The following ARFGEF2 variants were observed in gnomAD, a reference collection of about 807,000 sequenced individuals.
ARFGEF2 encodes the protein ARF guanine nucleotide exchange factor 2, also known as brefeldin A-inhibited guanine nucleotide-exchange protein 2.
Under a neutral mutation model 219.9 loss-of-function variants are expected in ARFGEF2, and 74 were observed. The ratio of observed to expected loss-of-function variants is 0.34; its 90% confidence interval spans 0.28 to 0.41. ARFGEF2 has a LOEUF of 0.41. Ranked by LOEUF, ARFGEF2 falls within the 10% of genes least tolerant of loss-of-function variation. ARFGEF2 has a pLI of 1.00. For missense variants in ARFGEF2, 1,743 were observed against 2,218.3 expected (o/e 0.79, Z 4.30); for synonymous variants, 733 against 799.2 (o/e 0.92, Z 1.40).
intron 9 of ARFGEF2, among the ~76,000 whole-genome samples, chr20:48,969,791 A>T (rs1260975352): frequency 6.6e-6 from 1 of 152,222 alleles, no homozygotes; most frequent in Non-Finnish European, 1.5e-5. Flanking sequence ...CTGCATTTAG[A>T]TCTTGGATCC....
chr20:48,972,470 TA>T (rs2091234500), intron 11 of ARFGEF2, 45 bp downstream of exon 11: 1 of 1,422,600 alleles, frequency 7.0e-7, no homozygotes, highest in African/African-American at 1.4e-5. Flanking sequence ...TCTGATGCTT[TA>T]ATTTGCCACA....
chr20:48,996,455 C>CA (rs59802794), intron 23 of ARFGEF2, among the ~76,000 whole-genome samples: 36,883 of 126,766 alleles, frequency 0.29, 5,178 homozygotes, highest in East Asian at 0.52. Flanking sequence ...ACTCCATCTG[C>CA]AAAAAAAAAA....
At chr20:49,003,970 G>A (rs551848478) in intron 25 of ARFGEF2, among the ~76,000 whole-genome samples, 7 of 152,268 alleles carry the variant, frequency 4.6e-5, no homozygotes, top group African/African-American at 1.7e-4. Flanking sequence ...TCCATAGACT[G>A]TAAAGGCTTT....
intron 1 of ARFGEF2, among the ~76,000 whole-genome samples, chr20:48,928,620 A>G (rs1166650210): frequency 2.5e-4 from 35 of 139,934 alleles, no homozygotes; most frequent in African/African-American, 8.3e-4. Flanking sequence ...TCAGCCTCCC[A>G]AGTAGCTGGG....
chr20:48,998,777 A>G (rs1330773677), intron 25 of ARFGEF2, among the ~76,000 whole-genome samples: 1 of 152,204 alleles, frequency 6.6e-6, no homozygotes, highest in Non-Finnish European at 1.5e-5. Context: ...TATTACAGCC[A>G]CTAGACAAAT....
rs144778940 is a variant in ARFGEF2 at position 49,031,152 on chromosome 20, G to T, written c.5064-897G>T. Among the ~76,000 whole-genome samples the T allele has an allele frequency of 1.3e-4, 20 of 151,134 alleles. No individual in the cohort carries two copies. The East Asian group carries it at 3.5e-3, about 26-fold the overall frequency. On this transcript the variant is annotated intron_variant, in intron 37 of 38. Transcript: ENST00000371917. ...GAGTTCAGCCCTAGCCATGTGCCAG[G>T]ACTGAGCCAAGTTATGACTTAACAT...
At position 48,963,779 on chromosome 20, in the gene ARFGEF2, T is replaced by C. The variant is rs765056176; in HGVS notation, c.839-51T>C. 1.9e-6 allele frequency: 3 copies of C among 1,574,006 alleles called. 1 individual carries two copies. In the South Asian group the frequency reaches 3.3e-5, roughly 18 times the overall value. On this transcript the variant is annotated intron_variant, in intron 6 of 38. Transcript: ENST00000371917. ...AATCTCCTTTTCCTCTCTTCCTTTG[T>C]TTTTCCTGAAAATGCCCACGTGTGT... is the stretch of plus-strand genomic sequence containing the variant.
At chr20:49,011,839 G>A in intron 27 of ARFGEF2, 85 bp from the exon 28 acceptor site, 1 of 1,316,118 alleles carries the variant, frequency 7.6e-7, no homozygotes, top group Non-Finnish European at 1.1e-6. Flanking sequence ...GTATGTGTGT[G>A]TGTGTGTGTG....
chr20:48,941,346 ACT>A, intron 2 of ARFGEF2, 117 bp downstream of exon 2: 1 of 1,085,184 alleles, frequency 9.2e-7, no homozygotes, highest in South Asian at 1.3e-5. Context: ...GGTGGCACAC[ACT>A]CTGCAAGCAT....
chr20:48,940,130 A>T (rs996856294), intron 1 of ARFGEF2, among the ~76,000 whole-genome samples: 1 of 152,246 alleles, frequency 6.6e-6, no homozygotes, highest in South Asian at 2.1e-4. Context: ...TGGAAATAAC[A>T]CTATCTCTGA....
intron 37 of ARFGEF2, among the ~76,000 whole-genome samples, chr20:49,031,216 T>C (rs1214770397): frequency 7.0e-6 from 1 of 143,430 alleles, no homozygotes; most frequent in African/African-American, 2.6e-5. Flanking sequence ...CCCTTGAGTT[T>C]GGACTTTTTT....
At chr20:48,986,999 C>T (rs2091330216) in intron 16 of ARFGEF2, among the ~76,000 whole-genome samples, 1 of 152,208 alleles carries the variant, frequency 6.6e-6, no homozygotes, top group Non-Finnish European at 1.5e-5. Context: ...GCTACCACAC[C>T]TGATTGAAAC....
chr20:48,984,232 G>A (rs1479073341), intron 14 of ARFGEF2, among the ~76,000 whole-genome samples: 1 of 152,144 alleles, frequency 6.6e-6, no homozygotes, highest in Non-Finnish European at 1.5e-5. Context: ...TGGCCTCATG[G>A]TATAAGATGA....
intron 1 of ARFGEF2, among the ~76,000 whole-genome samples, chr20:48,936,864 T>G (rs1429601994): frequency 3.9e-5 from 6 of 152,150 alleles, no homozygotes; most frequent in African/African-American, 1.2e-4. Flanking sequence ...GATGATGAGC[T>G]GTTTTTCATA....
intron 22 of ARFGEF2, 33 bp downstream of exon 22, chr20:48,994,631 G>T: frequency 6.2e-7 from 1 of 1,611,476 alleles, no homozygotes; most frequent in East Asian, 2.2e-5. Context: ...TAACAGTCAC[G>T]GATTTGCAAG....
chr20:48,928,192 CTTTTTTTTTTT>C (rs747462352), intron 1 of ARFGEF2, among the ~76,000 whole-genome samples: 12 of 104,762 alleles, frequency 1.1e-4, no homozygotes, highest in Non-Finnish European at 2.0e-4. Flanking sequence ...GTGTTGCAAT[CTTTTTTTTTTT>C]TTTTTTTTTT....
In ARFGEF2 at chr20:48,921,907, C is replaced by T. The variant is rs2090842799; in HGVS notation, c.18C>T (p.Thr6=). ...CCGGGGCCATGCAGGAGAGCCAGAC[C>T]AAGAGCATGTTCGTGTCCCGGGCCC... MQESQ[T]KSMFVSRALE... The change falls in exon 1 of 39, where the codon ACC becomes ACT. Residue 6 remains threonine (T), a synonymous_variant. Transcript: ENST00000371917. 6.4e-7 allele frequency: 1 copy of T among 1,551,384 alleles called. No homozygotes were observed. Among genetic ancestry groups the T allele is most frequent in the African/African-American group, 1.4e-5 (1 of 73,070 alleles).
intron 6 of ARFGEF2, among the ~76,000 whole-genome samples, chr20:48,963,531 G>C (rs755062008): frequency 1.3e-5 from 2 of 152,182 alleles, no homozygotes; most frequent in African/African-American, 2.4e-5. Context: ...CTCCAAGTTG[G>C]GGGTGGTGGG....
At chr20:49,000,450 T>A (rs1198867469) in intron 25 of ARFGEF2, among the ~76,000 whole-genome samples, 3 of 152,142 alleles carry the variant, frequency 2.0e-5, no homozygotes, top group African/African-American at 7.2e-5. Flanking sequence ...GAGGTGGCCT[T>A]GAGAGGCACA....
Sources: gnomAD v4.1 joint callset for allele counts (sites outside exome capture counted in the v4.1 genomes callset) on GRCh38, gnomAD v4.1.1 for gene constraint, MANE v1.5 for transcripts, NCBI Gene and HGNC (gene_info 2026-07-23, HGNC 2026-07-21) for gene names.